The following KRT80 variants were observed in gnomAD, a reference collection of about 807,000 sequenced individuals.
KRT80 encodes keratin 80, also known as keratin, type II cytoskeletal 80.
In KRT80, 36 loss-of-function variants were observed where a neutral mutation model predicts 51.5. The observed-to-expected ratio is 0.70, with a 90% CI of 0.54 to 0.92. KRT80 has a LOEUF of 0.92. Among genes scored for constraint, KRT80 ranks in the 40% least tolerant of loss-of-function variants. The probability of loss-of-function intolerance (pLI) is 0.00; values close to 1 mark genes in which losing one functional copy is unlikely to be tolerated. For synonymous variants in KRT80, 235 were observed against 248.3 expected, an observed-to-expected ratio of 0.95 and a Z score of 0.50; for missense variants, 566 against 591.7, an observed-to-expected ratio of 0.96 and a Z score of 0.45.
At chr12:52,173,325 G>T (rs1941152540) in intron 5 of KRT80, among the ~76,000 whole-genome samples, 162 bp from the exon 6 acceptor site, 1 of 45,192 alleles carries the variant, frequency 2.2e-5, no homozygotes, top group Non-Finnish European at 5.4e-5. Flanking sequence ...TCCCTTTCTG[G>T]GTGGCCTCTC....
At chr12:52,180,795 A>G (rs749731926) in intron 3 of KRT80, 108 bp downstream of exon 3, 70 of 1,594,824 alleles carry the variant, frequency 4.4e-5, no homozygotes, top group Non-Finnish European at 6.0e-5. Context: ...CCTGGGACTT[A>G]AGCCTCTGAG....
In KRT80 at chr12:52,171,804, A is replaced by G; in HGVS notation, c.1179-91T>C. Reference sequence around the variant, plus strand: ...AACTCCCCTGGGGGCTGGCAAGTGGAGGGTAGTTCTTGGTGGTCACTCCCA... The same window carrying G: ...AACTCCCCTGGGGGCTGGCAAGTGGGGGGTAGTTCTTGGTGGTCACTCCCA... On this transcript the variant is annotated intron_variant, in intron 7 of 8. Transcript: ENST00000394815. The G allele has an allele frequency of 4.5e-6, 4 of 883,638 alleles. No individual in the cohort carries two copies. The South Asian group carries it at 6.5e-5, about 14-fold the overall frequency. The allele number at this position is 883,638 out of a possible 1,614,324, so 54.7% of individuals were successfully genotyped here.
chr12:52,188,465 T>C (rs1592367406), intron 1 of KRT80, among the ~76,000 whole-genome samples: 1 of 152,156 alleles, frequency 6.6e-6, no homozygotes, highest in Admixed American at 6.5e-5. Flanking sequence ...AGGCTGCAGG[T>C]CTTACAGGGG....
chr12:52,181,757 T>C (rs887141638), intron 2 of KRT80, among the ~76,000 whole-genome samples: 4 of 152,234 alleles, frequency 2.6e-5, no homozygotes, highest in Non-Finnish European at 5.9e-5. Context: ...GACCCCCAGA[T>C]CCCTGGCCCG....
chr12:52,180,683 C>T (rs984373599), intron 3 of KRT80, 75 bp from the exon 4 acceptor site: 2 of 1,581,422 alleles, frequency 1.3e-6, no homozygotes, highest in Non-Finnish European at 1.7e-6. Context: ...TGGGGGGCTG[C>T]CTCCTGGGTG....
chr12:52,191,554 G>T, intron 1 of KRT80, 49 bp downstream of exon 1: 1 of 1,512,354 alleles, frequency 6.6e-7, no homozygotes, highest in Non-Finnish European at 8.9e-7. Flanking sequence ...TCAGCTACCG[G>T]CCCAGGCCTG....
rs957437696 is a variant in KRT80 at position 52,169,715 on chromosome 12, T to C, written c.*1683A>G. 1.3e-5 allele frequency: 2 copies of C among 152,332 alleles called. No homozygotes were observed. Among genetic ancestry groups the C allele is most frequent in the African/African-American group, 4.8e-5 (2 of 41,438 alleles). The allele number at this position is 152,332 out of a possible 1,614,324, so 9.4% of individuals were successfully genotyped here. On this transcript the variant is annotated 3_prime_UTR_variant, in exon 9 of 9. Transcript: ENST00000394815. ...CCACATAAGTTATGAAAAAATAATA[T>C]ATACTTTATATGTCTTGTATCCCCA...
intron 4 of KRT80, among the ~76,000 whole-genome samples, chr12:52,175,143 C>G (rs148484073): frequency 6.6e-6 from 1 of 152,192 alleles, no homozygotes; most frequent in African/African-American, 2.4e-5. Flanking sequence ...TTGTCTGAAT[C>G]AGGATCCAAA....
chr12:52,175,365 C>T (rs144976406), intron 4 of KRT80, among the ~76,000 whole-genome samples: 94 of 152,246 alleles, frequency 6.2e-4, no homozygotes, highest in South Asian at 1.0e-3. Context: ...CCGGTGCACC[C>T]GGATGCCTGC....
chr12:52,190,681 C>T (rs902058005), intron 1 of KRT80, among the ~76,000 whole-genome samples: 1 of 152,190 alleles, frequency 6.6e-6, no homozygotes. Flanking sequence ...GAGAGAAATA[C>T]AGATAAACCT....
chr12:52,189,239 C>A (rs748931818), intron 1 of KRT80, among the ~76,000 whole-genome samples: 1 of 152,088 alleles, frequency 6.6e-6, no homozygotes, highest in African/African-American at 2.4e-5. Flanking sequence ...AACAGCCCTG[C>A]GCCGTACCTC....
At position 52,169,723 on chromosome 12, in the gene KRT80, A is replaced by G. The variant is rs1406159881; in HGVS notation, c.*1675T>C. ...GTTATGAAAAAATAATATATACTTT[A>G]TATGTCTTGTATCCCCACTGAGGAT... is the stretch of plus-strand genomic sequence containing the variant. On this transcript the variant is annotated 3_prime_UTR_variant, in exon 9 of 9. Transcript: ENST00000394815. 1 of 152,294 alleles carries G rather than the reference A, an allele frequency of 6.6e-6. No individual in the cohort carries two copies. The highest frequency in any genetic ancestry group is 1.5e-5 in the Non-Finnish European group (1 of 68,048). 9.4% of individuals were successfully genotyped at this position (152,294 alleles called of 1,614,324 possible).
In KRT80 at chr12:52,185,321, G is replaced by A. The variant is rs558465617; in HGVS notation, c.509+58C>T. 380 of 1,517,202 alleles carry A rather than the reference G, an allele frequency of 2.5e-4. 6 individuals carry two copies. In the South Asian group the frequency reaches 4.5e-3, roughly 18 times the overall value. The allele number at this position is 1,517,202 out of a possible 1,614,324, so 94.0% of individuals were successfully genotyped here. A position where few individuals can be genotyped will look rare whatever the true frequency, so the allele number is the denominator to read the frequency against. ...TCTGGCTTAAGTGCCTCCCATCTGAGCACAGCTTGGTCCCAGCCCTCAGGC... is the reference window on the plus strand; with the variant it reads ...TCTGGCTTAAGTGCCTCCCATCTGAACACAGCTTGGTCCCAGCCCTCAGGC... On this transcript the variant is annotated intron_variant, in intron 2 of 8. Coordinates refer to ENST00000394815, the MANE Select transcript of KRT80 (RefSeq NM_182507.3).
intron 2 of KRT80, among the ~76,000 whole-genome samples, chr12:52,183,925 G>T (rs1941362717): frequency 6.6e-6 from 1 of 152,234 alleles, no homozygotes; most frequent in Non-Finnish European, 1.5e-5. Context: ...AGATCTACTG[G>T]GGATCAGGAA....
Position 52,191,733 on chromosome 12 carries a change from T to A in KRT80, c.170A>T (p.Lys57Met), listed in dbSNP as rs1337306275. 1.2e-6 allele frequency: 2 copies of A among 1,613,612 alleles called. No homozygotes were observed. Among genetic ancestry groups the A allele is most frequent in the African/African-American group, 2.7e-5 (2 of 74,934 alleles). The change falls in exon 1 of 9, where the codon AAG becomes ATG. Residue 57 changes from lysine to methionine, a missense_variant. Coordinates refer to ENST00000394815, the MANE Select transcript of KRT80 (RefSeq NM_182507.3). Reference protein sequence around the residue: ...TGCWSAGTISKVTVNPGLLVP... With the variant: ...TGCWSAGTISMVTVNPGLLVP... ...CAGCAGGCCGGGGTTCACAGTCACCTTGGAGATAGTGCCAGCCGACCAGCA... is the reference window on the plus strand; with the variant it reads ...CAGCAGGCCGGGGTTCACAGTCACCATGGAGATAGTGCCAGCCGACCAGCA...
At position 52,188,699 on chromosome 12, in the gene KRT80, T is replaced by G. The variant is rs114175652; in HGVS notation, c.300+2904A>C. ...CCATCCCTCTGTCTCCATCCCTCTG[T>G]CTCCAGGCATTTTACCACTGCTCAT... On this transcript the variant is annotated intron_variant, in intron 1 of 8. Transcript: ENST00000394815. 7.5e-3 allele frequency among the ~76,000 whole-genome samples: 1,140 copies of G among 152,272 alleles called. 11 individuals are homozygous for G. The highest frequency in any genetic ancestry group is 0.025 in the African/African-American group (1,050 of 41,560).
rs575144153 is a variant in KRT80 at position 52,173,103 on chromosome 12, C to T, written c.892G>A (p.Glu298Lys). 77 of 1,613,554 alleles carry T rather than the reference C, an allele frequency of 4.8e-5. No homozygotes were observed. The highest frequency in any genetic ancestry group is 4.2e-4 in the East Asian group (19 of 44,864). Residue 298 changes from glutamate (E) to lysine (K), a missense_variant, in exon 6 of 9, where the codon GAG becomes AAG. Transcript: ENST00000394815. ...ATGCGCACATTGAGATCCGCGATCT[C>T]GCTGCGGCTGCTCTGGAGGCTGCTC... ...YGSSLQSSRS[E>K]IADLNVRIQK...
At chr12:52,172,029 A>T (rs1348632357) in intron 7 of KRT80, among the ~76,000 whole-genome samples, 169 bp downstream of exon 7, 1 of 152,220 alleles carries the variant, frequency 6.6e-6, no homozygotes, top group African/African-American at 2.4e-5. Flanking sequence ...GGGAAACAGG[A>T]TGAAATGAAC....
At chr12:52,171,831 C>A in intron 7 of KRT80, 118 bp from the exon 8 acceptor site, 2 of 733,390 alleles carry the variant, frequency 2.7e-6, no homozygotes, top group Middle Eastern at 3.9e-4. Context: ...TCACTCCCAG[C>A]CCTGGGGTTG....
Sources: allele counts gnomAD v4.1 joint callset (sites outside exome capture counted in the v4.1 genomes callset), GRCh38; gene constraint gnomAD v4.1.1; transcripts MANE v1.5; gene names NCBI Gene and HGNC (gene_info 2026-07-23, HGNC 2026-07-21).